BTAF1: variants seen among roughly 807,000 people sequenced by gnomAD.
The protein encoded by BTAF1 is B-TFIID TATA-box binding protein associated factor 1, also known as TATA-binding protein-associated factor 172.
Under a neutral mutation model 227.1 loss-of-function variants are expected in BTAF1, and 38 were observed. That is an observed-to-expected ratio of 0.17 (90% CI 0.13 to 0.22). The LOEUF is 0.22. Among genes scored for constraint, BTAF1 ranks in the 10% least tolerant of loss-of-function variants. The pLI, the probability that BTAF1 is intolerant of heterozygous loss-of-function variation, is 1.00. For synonymous variants in BTAF1, 742 were observed against 751.9 expected, an observed-to-expected ratio of 0.99 and a Z score of 0.21; for missense variants, 1,598 against 2,204.0, an observed-to-expected ratio of 0.73 and a Z score of 5.51.
chr10:92,017,006 CTT>C (rs1564720882), intron 33 of BTAF1, among the ~76,000 whole-genome samples: 1 of 152,072 alleles, frequency 6.6e-6, no homozygotes, highest in Non-Finnish European at 1.5e-5. Context: ...AATAGAGAAT[CTT>C]TTGCTTTTTT....
chr10:92,019,765 A>G lies in BTAF1; in HGVS notation c.4863+830A>G, dbSNP rs544389179. On this transcript the variant is annotated intron_variant, in intron 34 of 37. Coordinates refer to ENST00000265990, the MANE Select transcript of BTAF1 (RefSeq NM_003972.3). ...TCCCTAATGACTGATGATGTTGAGC[A>G]TCTTTTCATGTGCTTATTGGACATT... Among the ~76,000 whole-genome samples the G allele has an allele frequency of 2.0e-5, 3 of 152,312 alleles. No homozygotes were observed. The East Asian group carries it at 5.8e-4, about 29-fold the overall frequency.
intron 24 of BTAF1, 140 bp downstream of exon 24, chr10:91,996,710 T>C: frequency 1.3e-6 from 1 of 781,386 alleles, no homozygotes; most frequent in Non-Finnish European, 2.0e-6. Context: ...TTACATCTTA[T>C]TTTGAAATAT....
chr10:91,963,568 C>T (rs116362574), intron 12 of BTAF1, among the ~76,000 whole-genome samples: 1 of 152,140 alleles, frequency 6.6e-6, no homozygotes, highest in Non-Finnish European at 1.5e-5. Flanking sequence ...CACACCCACC[C>T]CTCTAGTCTC....
At chr10:91,959,302 T>C in intron 9 of BTAF1, 148 bp downstream of exon 9, 1 of 1,435,222 alleles carries the variant, frequency 7.0e-7, no homozygotes. Flanking sequence ...ATACAATGGA[T>C]TGAAAAGTAG....
intron 4 of BTAF1, among the ~76,000 whole-genome samples, chr10:91,944,353 T>A (rs1301316480): frequency 6.6e-6 from 1 of 152,194 alleles, no homozygotes; most frequent in African/African-American, 2.4e-5. Context: ...TGACACCATA[T>A]ATGATTAGTA....
Position 91,943,948 on chromosome 10 carries a change from C to T in BTAF1, c.400+1380C>T, listed in dbSNP as rs571578991. Reference sequence around the variant, plus strand: ...GGCAGTTCACCTGAGATCGGGAGGTCGAGACCAGCCTGGCCAACATGGTGA... The same window carrying T: ...GGCAGTTCACCTGAGATCGGGAGGTTGAGACCAGCCTGGCCAACATGGTGA... On this transcript the variant is annotated intron_variant, in intron 4 of 37. Transcript: ENST00000265990. Among the ~76,000 whole-genome samples, 8 of 152,114 alleles carry T rather than the reference C, an allele frequency of 5.3e-5. 1 individual carries two copies. Among genetic ancestry groups the T allele is most frequent in the African/African-American group, 1.7e-4 (7 of 41,496 alleles).
At chr10:91,976,829 G>A (rs1847733090) in intron 14 of BTAF1, among the ~76,000 whole-genome samples, 1 of 152,196 alleles carries the variant, frequency 6.6e-6, no homozygotes, top group Admixed American at 6.5e-5. Context: ...ATAGTGGTAA[G>A]AGACAAGGCC....
In BTAF1 at chr10:91,982,175, C is replaced by A; in HGVS notation, c.1998C>A (p.Asp666Glu). Residue 666 changes from aspartate (D) to glutamate (E), a missense_variant, in exon 17 of 38, where the codon GAC (aspartate) becomes GAA (glutamate). This residue lies in a region of BTAF1 where 318 missense variants were observed against 435.0 expected (regional missense o/e 0.73). Transcript: ENST00000265990. The part of the protein sequence containing the change: ...YIAGADTIME[D>E]PATRDFVVMR... The stretch of plus-strand genomic sequence containing the variant: ...CAGGTGCCGACACCATCATGGAAGA[C>A]CCAGCCACCAGGGATTTTGTAGTTA... 1 of 1,613,952 alleles carries A rather than the reference C, an allele frequency of 6.2e-7. No individual in the cohort carries two copies. The highest frequency in any genetic ancestry group is 2.2e-5 in the East Asian group (1 of 44,868).
chr10:91,955,893 G>A (rs1158896141), intron 6 of BTAF1, among the ~76,000 whole-genome samples: 1 of 152,110 alleles, frequency 6.6e-6, no homozygotes, highest in Non-Finnish European at 1.5e-5. Flanking sequence ...GGAGAGAGGG[G>A]AGAAGTATTT....
At chr10:91,940,606 A>G (rs1363294645) in intron 3 of BTAF1, among the ~76,000 whole-genome samples, 1 of 152,146 alleles carries the variant, frequency 6.6e-6, no homozygotes, top group Non-Finnish European at 1.5e-5. Context: ...TAATTAAATC[A>G]AAATTTAATG....
chr10:92,031,056 TGATA>T lies in BTAF1; in HGVS notation c.*2126_*2129del, dbSNP rs1851865491. Among the ~76,000 whole-genome samples, 2 of 152,184 alleles carry T rather than the reference TGATA, an allele frequency of 1.3e-5. No individual in the cohort carries two copies. Among genetic ancestry groups the T allele is most frequent in the Non-Finnish European group, 1.5e-5 (1 of 68,034 alleles). On this transcript the variant is annotated 3_prime_UTR_variant, in exon 38 of 38. Transcript: ENST00000265990. The stretch of plus-strand genomic sequence containing the variant: ...ATGGGTGTGGGAAGTCAAACAAGCA[TGATA>T]GAATGTTAACTATTTTAAACTGGGA...
At chr10:91,957,163 C>T in intron 7 of BTAF1, 62 bp from the exon 8 acceptor site, 1 of 1,357,584 alleles carries the variant, frequency 7.4e-7, no homozygotes, top group East Asian at 2.3e-5. Flanking sequence ...TATTAAGTTA[C>T]TTAAATTGTT....
intron 13 of BTAF1, 27 bp from the exon 14 acceptor site, chr10:91,966,610 A>C: frequency 1.9e-6 from 3 of 1,609,272 alleles, no homozygotes; most frequent in Non-Finnish European, 2.5e-6. Context: ...TAGAATAAGT[A>C]AGATTAATTT....
rs146274862 is a variant in BTAF1, at chr10:91,994,579, T to C, written c.3244T>C (p.Leu1082=). 1.5e-5 allele frequency: 25 copies of C among 1,614,032 alleles called. No homozygotes were observed. The highest frequency in any genetic ancestry group is 4.5e-5 in the East Asian group (2 of 44,864). ...TAAGGGAGATAGCCCTGCTCAAGAA[T>C]TGGTGAATTCTCTGCAGGTTTTTGA... ...LDKGDSPAQE[L]VNSLQVFETA... The change falls in exon 23 of 38, where the codon TTG becomes CTG. Residue 1082 remains leucine, a synonymous_variant. Coordinates refer to ENST00000265990, the MANE Select transcript of BTAF1 (RefSeq NM_003972.3).
chr10:91,983,268 C>T (rs567559126), intron 18 of BTAF1, among the ~76,000 whole-genome samples: 46 of 152,294 alleles, frequency 3.0e-4, no homozygotes, highest in African/African-American at 1.0e-3. Flanking sequence ...CCTCTTTAAC[C>T]GTTAACTTCT....
At chr10:91,979,902 G>A (rs1847953215) in intron 14 of BTAF1, among the ~76,000 whole-genome samples, 1 of 152,104 alleles carries the variant, frequency 6.6e-6, no homozygotes, top group Non-Finnish European at 1.5e-5. Flanking sequence ...ATAACATAGT[G>A]TACATAGTTT....
rs757346058 is a variant in BTAF1, at chr10:91,960,057, A to G, written c.1166A>G (p.Lys389Arg). Residue 389 changes from lysine (K) to arginine (R), a missense_variant, in exon 11 of 38, where the codon AAG becomes AGG. Coordinates refer to ENST00000265990, the MANE Select transcript of BTAF1 (RefSeq NM_003972.3). The part of the protein sequence containing the change: ...LKHMNETGVH[K>R]TVDVLLKLLT... ...CACATGAACGAAACAGGAGTTCATA[A>G]GACTGTGGATGTGCTGCTAAAATTA... The G allele has an allele frequency of 1.9e-6, 3 of 1,613,786 alleles. No homozygotes were observed. The highest frequency in any genetic ancestry group is 2.5e-6 in the Non-Finnish European group (3 of 1,179,878).
At chr10:92,000,576 G>C (rs556261978) in intron 25 of BTAF1, among the ~76,000 whole-genome samples, 1 of 152,102 alleles carries the variant, frequency 6.6e-6, no homozygotes, top group South Asian at 2.1e-4. Context: ...TTGTTTGTTT[G>C]AGTTGGAGTT....
rs1180280586 is a variant in BTAF1 at position 92,030,814 on chromosome 10, T to C, written c.*1881T>C. 6.6e-6 allele frequency among the ~76,000 whole-genome samples: 1 copy of C among 152,158 alleles called. No homozygotes were observed. The highest frequency in any genetic ancestry group is 1.5e-5 in the Non-Finnish European group (1 of 68,014). On this transcript the variant is annotated 3_prime_UTR_variant, in exon 38 of 38. Transcript: ENST00000265990. ...GCTATAACATTTTTAAAATAATCTTTTGAGTTGTAAAATAGTAAATCACAC... is the reference window on the plus strand; with the variant it reads ...GCTATAACATTTTTAAAATAATCTTCTGAGTTGTAAAATAGTAAATCACAC...
Sources: gnomAD v4.1 joint callset for allele counts (sites outside exome capture counted in the v4.1 genomes callset) on GRCh38, gnomAD v4.1.1 for gene constraint, gnomAD v4.1.1 regional missense constraint, MANE v1.5 for transcripts, NCBI Gene and HGNC (gene_info 2026-07-23, HGNC 2026-07-21) for gene names.